KCNQ3: variants seen among roughly 807,000 people sequenced by gnomAD.
KCNQ3 encodes potassium voltage-gated channel subfamily Q member 3.
Under a neutral mutation model 92.5 loss-of-function variants are expected in KCNQ3, and 30 were observed. The ratio of observed to expected loss-of-function variants is 0.32; its 90% CI spans 0.24 to 0.44. KCNQ3 has a LOEUF of 0.44. Ranked by LOEUF, KCNQ3 falls within the 20% of genes least tolerant of loss-of-function variation. The pLI, the probability that KCNQ3 is intolerant of heterozygous loss-of-function variation, is 1.00. For missense variants in KCNQ3, 913 were observed against 1,140.3 expected (o/e 0.80, Z 2.87); for synonymous variants, 450 against 468.8 (o/e 0.96, Z 0.52).
intron 1 of KCNQ3, among the ~76,000 whole-genome samples, chr8:132,217,288 A>G (rs907782882): frequency 1.3e-5 from 2 of 152,178 alleles, no homozygotes; most frequent in Non-Finnish European, 2.9e-5. Flanking sequence ...AAACTACTTC[A>G]TTCATTCATT....
At chr8:132,216,681 A>T (rs1814040112) in intron 1 of KCNQ3, among the ~76,000 whole-genome samples, 1 of 152,204 alleles carries the variant, frequency 6.6e-6, no homozygotes, top group Non-Finnish European at 1.5e-5. Context: ...GCCACAAAAA[A>T]AGGGGTGCAG....
intron 14 of KCNQ3, among the ~76,000 whole-genome samples, chr8:132,131,355 G>A (rs1322682640): frequency 6.6e-6 from 1 of 152,152 alleles, no homozygotes; most frequent in Non-Finnish European, 1.5e-5. Flanking sequence ...TGAGCTGTTT[G>A]CTGTGAAAGC....
chr8:132,476,565 AC>A (rs1021121056), intron 1 of KCNQ3, among the ~76,000 whole-genome samples: 3 of 152,358 alleles, frequency 2.0e-5, no homozygotes, highest in African/African-American at 7.2e-5. Context: ...CTGCTGGGTT[AC>A]AGACTTGCAT....
intron 1 of KCNQ3, among the ~76,000 whole-genome samples, chr8:132,401,819 C>T (rs1443994143): frequency 6.6e-6 from 1 of 152,346 alleles, no homozygotes; most frequent in Admixed American, 6.5e-5. Context: ...ACACCAAATG[C>T]TGCAGTGATT....
chr8:132,135,733 G>A (rs966681548), intron 12 of KCNQ3, among the ~76,000 whole-genome samples: 6 of 152,092 alleles, frequency 3.9e-5, no homozygotes, highest in African/African-American at 1.4e-4. Context: ...AGCATGTTAA[G>A]CTCAAAATTT....
chr8:132,376,282 T>C (rs941421191), intron 1 of KCNQ3, among the ~76,000 whole-genome samples: 1 of 151,432 alleles, frequency 6.6e-6, no homozygotes, highest in African/African-American at 2.5e-5. Context: ...TGAAAAGTTG[T>C]AGTTAAATTG....
intron 3 of KCNQ3, among the ~76,000 whole-genome samples, chr8:132,183,765 G>T (rs1364000775): frequency 6.6e-6 from 1 of 152,206 alleles, no homozygotes; most frequent in Non-Finnish European, 1.5e-5. Context: ...AAATGACTCA[G>T]ATCTGTGATC....
At chr8:132,378,392 TA>T (rs530985799) in intron 1 of KCNQ3, among the ~76,000 whole-genome samples, 14 of 147,318 alleles carry the variant, frequency 9.5e-5, no homozygotes, top group Admixed American at 1.4e-4. Flanking sequence ...ACTCTCTCTT[TA>T]AAAAAAAAAG....
intron 1 of KCNQ3, among the ~76,000 whole-genome samples, chr8:132,274,353 A>G (rs1001006702): frequency 6.6e-6 from 1 of 152,228 alleles, no homozygotes; most frequent in African/African-American, 2.4e-5. Context: ...ATCACAGAGC[A>G]GCACAAGAAA....
intron 3 of KCNQ3, among the ~76,000 whole-genome samples, chr8:132,183,096 G>C (rs566534827): frequency 1.6e-4 from 24 of 152,188 alleles, no homozygotes; most frequent in Non-Finnish European, 2.6e-4. Context: ...TCTTCTCTGA[G>C]CTGGCTGTCC....
At chr8:132,381,058 C>G (rs1236306582) in intron 1 of KCNQ3, among the ~76,000 whole-genome samples, 1 of 151,876 alleles carries the variant, frequency 6.6e-6, no homozygotes, top group Non-Finnish European at 1.5e-5. Context: ...TGCCAAGAAA[C>G]CTATTAACCT....
In KCNQ3 at chr8:132,184,232, A is replaced by G. The variant is rs746015003; in HGVS notation, c.604+9T>C. The stretch of plus-strand genomic sequence containing the variant: ...TGAGGAGGCTGGGAGGCTCAGGGTC[A>G]GGACTTACCCAACATGCACAGGGGC... On this transcript the variant is annotated intron_variant, in intron 3 of 14. Transcript: ENST00000388996. The G allele has an allele frequency of 1.2e-6, 2 of 1,614,200 alleles. No homozygotes were observed. Among genetic ancestry groups the G allele is most frequent in the Admixed American group, 3.3e-5 (2 of 60,028 alleles).
chr8:132,130,201 C>T (rs78375504), intron 14 of KCNQ3, among the ~76,000 whole-genome samples: 1 of 151,236 alleles, frequency 6.6e-6, no homozygotes, highest in East Asian at 2.0e-4. Context: ...TATGCCTCAG[C>T]CTCCCAAGTA....
At chr8:132,135,226 C>A (rs923192871) in intron 12 of KCNQ3, among the ~76,000 whole-genome samples, 4 of 152,176 alleles carry the variant, frequency 2.6e-5, no homozygotes, top group African/African-American at 7.2e-5. Context: ...CCAGCTCCAA[C>A]CATGTTCCTG....
At chr8:132,304,446 C>T (rs1252548347) in intron 1 of KCNQ3, among the ~76,000 whole-genome samples, 4 of 152,164 alleles carry the variant, frequency 2.6e-5, no homozygotes, top group African/African-American at 7.2e-5. Flanking sequence ...ATCTTAACTT[C>T]TCCAGGGCTC....
intron 1 of KCNQ3, among the ~76,000 whole-genome samples, chr8:132,213,660 G>A (rs1813937715): frequency 6.6e-6 from 1 of 152,220 alleles, no homozygotes; most frequent in South Asian, 2.1e-4. Context: ...CTTAGAGGAT[G>A]AGGAGAGAGA....
intron 9 of KCNQ3, among the ~76,000 whole-genome samples, chr8:132,154,207 T>TG (rs1563776010): frequency 2.1e-5 from 3 of 143,206 alleles, no homozygotes; most frequent in African/African-American, 5.2e-5. Context: ...TTTTTTTTTT[T>TG]TTTTTTTTTT....
intron 1 of KCNQ3, among the ~76,000 whole-genome samples, chr8:132,426,562 C>T (rs773055382): frequency 2.0e-5 from 3 of 152,218 alleles, no homozygotes; most frequent in East Asian, 3.9e-4. Context: ...CGATCTCCCC[C>T]GTCCAGTGTC....
intron 1 of KCNQ3, among the ~76,000 whole-genome samples, chr8:132,206,637 GTTGC>G: frequency 6.6e-6 from 1 of 152,254 alleles, no homozygotes; most frequent in East Asian, 1.9e-4. Context: ...TTGGCATATA[GTTGC>G]TCATAGTAAC....
Sources: gnomAD v4.1 joint callset for allele counts (sites outside exome capture counted in the v4.1 genomes callset) on GRCh38, gnomAD v4.1.1 for gene constraint, MANE v1.5 for transcripts, NCBI Gene and HGNC (gene_info 2026-07-23, HGNC 2026-07-21) for gene names.